Variants in ELF5 observed in about 807,000 individuals in gnomAD.
ELF5 encodes the protein E74 like ETS transcription factor 5.
ELF5 carries 31 observed loss-of-function variants against 38.2 expected under a neutral mutation model. The ratio of observed to expected loss-of-function variants is 0.81; its 90% CI spans 0.61 to 1.10. ELF5 has a LOEUF of 1.10. ELF5 is among the 50% of genes least tolerant of loss of function. The probability of loss-of-function intolerance (pLI) is 0.00; values close to 1 mark genes in which losing one functional copy is unlikely to be tolerated. For synonymous variants in ELF5, 121 were observed against 112.5 expected, an observed-to-expected ratio of 1.08 and a Z score of -0.48; for missense variants, 300 against 306.6, an observed-to-expected ratio of 0.98 and a Z score of 0.16.
At position 34,482,496 on chromosome 11, in the gene ELF5, G is replaced by A. The variant is rs149927600; in HGVS notation, c.410C>T (p.Ala137Val). Residue 137 changes from alanine (A) to valine (V), a missense_variant, in exon 5 of 7, where the codon GCT (alanine) becomes GTT (valine). Ala to Val is a moderately conservative substitution (Grantham distance 64). Coordinates refer to ENST00000257832, the MANE Select transcript of ELF5 (RefSeq NM_001422.4). The part of the protein sequence containing the change: ...EESKATIKDY[A>V]DSNCLKTSGI... ...ACTTGTTTTCAAGCAGTTGGAATCAGCATCTGAAATAGAATAATTTATAGC... is the reference window on the plus strand; with the variant it reads ...ACTTGTTTTCAAGCAGTTGGAATCAACATCTGAAATAGAATAATTTATAGC... 5.3e-5 allele frequency: 85 copies of A among 1,612,176 alleles called. 1 individual carries two copies. In the African/African-American group the frequency reaches 8.6e-4, roughly 16 times the overall value.
At chr11:34,503,782 G>A (rs912426777) in intron 2 of ELF5, among the ~76,000 whole-genome samples, 31 of 152,304 alleles carry the variant, frequency 2.0e-4, no homozygotes, top group African/African-American at 7.0e-4. Context: ...AGTTATGTGT[G>A]CTTACCAGGT....
chr11:34,480,840 C>T lies in ELF5; in HGVS notation c.603G>A (p.Leu201=). 6.2e-7 allele frequency: 1 copy of T among 1,614,054 alleles called. No individual in the cohort carries two copies. Among genetic ancestry groups the T allele is most frequent in the Non-Finnish European group, 8.5e-7 (1 of 1,180,024 alleles). ...TCTTCCTTTGTCCCCACATCTTTGC[C>T]AGGGCTTCCGATTTAACCACCCGAA... ...GIFRVVKSEA[L]AKMWGQRKKN... is the part of the protein sequence containing the mutation. The change falls in exon 6 of 7, where the codon CTG becomes CTA. Residue 201 remains leucine (L), a synonymous_variant. Coordinates refer to ENST00000257832, the MANE Select transcript of ELF5 (RefSeq NM_001422.4).
rs747223156 is a variant in ELF5, at chr11:34,480,934, C to A, written c.509G>T (p.Arg170Leu). The A allele has an allele frequency of 1.2e-6, 2 of 1,613,760 alleles. No individual in the cohort carries two copies. Among genetic ancestry groups the A allele is most frequent in the African/African-American group, 1.3e-5 (1 of 74,948 alleles). ...TTCTTCAGGAGATAGAAGCAGGTCT[C>A]GTACAAATTCCCATAGATGAGAACT... ...LQSSHLWEFV[R>L]DLLLSPEENC... is the part of the protein sequence containing the mutation. The change falls in exon 6 of 7, where the codon CGA becomes CTA. Residue 170 changes from arginine to leucine, a missense_variant. Coordinates refer to ENST00000257832, the MANE Select transcript of ELF5 (RefSeq NM_001422.4).
chr11:34,492,066 C>A, intron 3 of ELF5: 1 of 152,298 alleles, frequency 6.6e-6, no homozygotes. Flanking sequence ...TCTCTGTGGC[C>A]CTAGGATTTT....
At chr11:34,505,791 A>AGG (rs1850602156) in intron 1 of ELF5, 38 bp from the exon 2 acceptor site, 5 of 1,603,578 alleles carry the variant, frequency 3.1e-6, no homozygotes, top group Non-Finnish European at 4.3e-6. Context: ...GGCTGGGGTG[A>AGG]GGTACTCCTG....
intron 1 of ELF5, 134 bp from the exon 2 acceptor site, chr11:34,505,887 C>A: frequency 9.3e-7 from 1 of 1,080,904 alleles, no homozygotes; most frequent in African/African-American, 1.6e-5. Context: ...GGAGCAGGCA[C>A]CGCCTAGTGT....
At chr11:34,505,561 G>A in intron 2 of ELF5, 68 bp downstream of exon 2, 6 of 1,600,922 alleles carry the variant, frequency 3.7e-6, no homozygotes, top group Admixed American at 1.7e-5. Flanking sequence ...TTCCACCTGC[G>A]GCCAGCACCA....
chr11:34,505,891 C>G, intron 1 of ELF5, 138 bp from the exon 2 acceptor site: 2 of 1,013,812 alleles, frequency 2.0e-6, no homozygotes, highest in Non-Finnish European at 2.7e-6. Context: ...CAGGCACCGC[C>G]TAGTGTCACC....
intron 3 of ELF5, among the ~76,000 whole-genome samples, chr11:34,490,308 C>T (rs1259742202): frequency 6.6e-6 from 1 of 152,204 alleles, no homozygotes; most frequent in Non-Finnish European, 1.5e-5. Flanking sequence ...CCAGCAGCCT[C>T]TGCAGATTTT....
At chr11:34,490,110 A>ACTGGC (rs1850126485) in intron 3 of ELF5, 51 bp from the exon 4 acceptor site, 1 of 1,596,956 alleles carries the variant, frequency 6.3e-7, no homozygotes, top group African/African-American at 1.3e-5. Flanking sequence ...CCTGGTTTCC[A>ACTGGC]CTGGCCAGGC....
chr11:34,487,473 A>T (rs1850030444), intron 4 of ELF5, among the ~76,000 whole-genome samples: 1 of 152,180 alleles, frequency 6.6e-6, no homozygotes, highest in Admixed American at 6.5e-5. Context: ...TCTGGGCAGG[A>T]GCATCCTGGC....
chr11:34,490,195 G>T, intron 3 of ELF5, 136 bp from the exon 4 acceptor site: 2 of 903,042 alleles, frequency 2.2e-6, no homozygotes, highest in Non-Finnish European at 3.6e-6. Context: ...GGGAACCTTG[G>T]AGACCATCTG....
rs181777330 is a variant in ELF5, at chr11:34,503,451, T to C, written c.121+2178A>G. On this transcript the variant is annotated intron_variant, in intron 2 of 6. Coordinates refer to ENST00000257832, the MANE Select transcript of ELF5 (RefSeq NM_001422.4). ...CTGGGATTACAGGCAGGAGCCACCATGCCTGCTCCCCAACCTTTTTTTTTT... is the reference window on the plus strand; with the variant it reads ...CTGGGATTACAGGCAGGAGCCACCACGCCTGCTCCCCAACCTTTTTTTTTT... 2.6e-3 allele frequency among the ~76,000 whole-genome samples: 374 copies of C among 144,476 alleles called. 2 individuals are homozygous for C. Among genetic ancestry groups the C allele is most frequent in the African/African-American group, 9.5e-3 (366 of 38,560 alleles). The allele number at this position is 144,476 out of a possible 152,430, so 94.8% of individuals were successfully genotyped here. A position where few individuals can be genotyped will look rare whatever the true frequency, so the allele number is the denominator to read the frequency against.
chr11:34,484,456 A>G (rs1024216700), intron 4 of ELF5, among the ~76,000 whole-genome samples: 4 of 100,888 alleles, frequency 4.0e-5, no homozygotes, highest in African/African-American at 2.0e-4. Flanking sequence ...TATACTAACT[A>G]TACTGTACTG....
intron 1 of ELF5, among the ~76,000 whole-genome samples, chr11:34,511,009 C>T (rs1850740474): frequency 6.6e-6 from 1 of 152,108 alleles, no homozygotes; most frequent in Non-Finnish European, 1.5e-5. Context: ...TCTTGCCCCT[C>T]TCCAAATCTC....
chr11:34,496,746 G>A (rs1850331297), intron 2 of ELF5, among the ~76,000 whole-genome samples: 1 of 152,194 alleles, frequency 6.6e-6, no homozygotes, highest in Non-Finnish European at 1.5e-5. Context: ...ACCTCAGTGA[G>A]TGTGACTGAC....
intron 2 of ELF5, among the ~76,000 whole-genome samples, chr11:34,496,994 G>A (rs1850335136): frequency 6.6e-6 from 1 of 152,164 alleles, no homozygotes; most frequent in Non-Finnish European, 1.5e-5. Flanking sequence ...ATGTGTAATT[G>A]TAATTATAAA....
chr11:34,499,631 A>G (rs756129198), intron 2 of ELF5, among the ~76,000 whole-genome samples: 5 of 152,230 alleles, frequency 3.3e-5, no homozygotes, highest in Admixed American at 2.6e-4. Flanking sequence ...GCTTTCAGTT[A>G]TGTCCCTCTG....
At chr11:34,505,887 C>CTG in intron 1 of ELF5, 134 bp from the exon 2 acceptor site, 6 of 1,080,878 alleles carry the variant, frequency 5.6e-6, no homozygotes, top group South Asian at 1.9e-5. Flanking sequence ...GGAGCAGGCA[C>CTG]CGCCTAGTGT....
Sources: allele counts gnomAD v4.1 joint callset (sites outside exome capture counted in the v4.1 genomes callset), GRCh38; gene constraint gnomAD v4.1.1; transcripts MANE v1.5; gene names NCBI Gene and HGNC (gene_info 2026-07-23, HGNC 2026-07-21).